The following FAM133A variants were observed in gnomAD, a reference collection of about 807,000 sequenced individuals.
The protein encoded by FAM133A is family with sequence similarity 133 member A.
For missense variants in FAM133A, 159 were observed against 164.4 expected (o/e 0.97, Z 0.18); for synonymous variants, 65 against 58.6 (o/e 1.11, Z -0.50).
At position 93,711,737 on chromosome X, in the gene FAM133A, C is replaced by T. The variant is rs901696948; in HGVS notation, c.*1571C>T. 2.4e-5 allele frequency: 3 copies of T among 122,781 alleles called. No individual in the cohort carries two copies. Among genetic ancestry groups the T allele is most frequent in the Non-Finnish European group, 5.6e-5 (3 of 53,118 alleles). 10.1% of individuals were successfully genotyped at this position (122,781 alleles called of 1,213,427 possible). ...TTGCATTGGAAATACTGGAATCTCT[C>T]ATTAAAGTTCTTGGAACATTATAGT... On this transcript the variant is annotated 3_prime_UTR_variant, in exon 4 of 4. Coordinates refer to ENST00000683942, the MANE Select transcript of FAM133A (RefSeq NM_001171109.2).
intron 3 of FAM133A, among the ~76,000 whole-genome samples, chrX:93,702,102 G>A (rs1258884626): frequency 1.8e-5 from 2 of 111,645 alleles, no homozygotes; most frequent in African/African-American, 3.3e-5. Context: ...ATATGTGATC[G>A]AATGAATTAA....
intron 2 of FAM133A, among the ~76,000 whole-genome samples, chrX:93,688,908 T>C (rs1925713008): frequency 9.0e-6 from 1 of 110,695 alleles, no homozygotes; most frequent in Non-Finnish European, 1.9e-5. Context: ...TAAGAAAATG[T>C]AAAAGCATGA....
intron 3 of FAM133A, among the ~76,000 whole-genome samples, chrX:93,709,095 T>C (rs1440921100): frequency 8.9e-6 from 1 of 112,040 alleles, no homozygotes; most frequent in Non-Finnish European, 1.9e-5. Context: ...TGTCAGAATC[T>C]TACATGAGGT....
At chrX:93,676,053 T>C (rs188716972) in intron 2 of FAM133A, among the ~76,000 whole-genome samples, 3 of 111,359 alleles carry the variant, frequency 2.7e-5, no homozygotes, top group Admixed American at 1.9e-4. Context: ...TTTTATTAGC[T>C]AGCTAATTCT....
At chrX:93,684,969 A>G (rs369146852) in intron 2 of FAM133A, among the ~76,000 whole-genome samples, 10 of 111,479 alleles carry the variant, frequency 9.0e-5, no homozygotes, top group Middle Eastern at 4.6e-3. Flanking sequence ...AAATTGTACA[A>G]TTTTTAAAGA....
At chrX:93,677,338 T>G (rs1321779696) in intron 2 of FAM133A, among the ~76,000 whole-genome samples, 1 of 111,062 alleles carries the variant, frequency 9.0e-6, no homozygotes, top group East Asian at 2.8e-4. Context: ...TAATGACAAG[T>G]GTAGCAGCAT....
chrX:93,687,692 A>G (rs1224163103), intron 2 of FAM133A, among the ~76,000 whole-genome samples: 3 of 111,284 alleles, frequency 2.7e-5, no homozygotes, highest in African/African-American at 9.8e-5. Flanking sequence ...ATTTTGAAAT[A>G]TACAATGCAT....
chrX:93,696,751 T>C (rs1452047165), intron 2 of FAM133A, among the ~76,000 whole-genome samples: 1 of 110,038 alleles, frequency 9.1e-6, no homozygotes, highest in Non-Finnish European at 1.9e-5. Context: ...ACACCCCGTC[T>C]CTACTAAAAA....
At chrX:93,673,706 A>G (rs1159506323), upstream of FAM133A, 1 of 131,709 alleles carries the variant, frequency 7.6e-6, no homozygotes. Flanking sequence ...TAATTGACAA[A>G]CTGTACGCCC....
chrX:93,710,997 T>G lies in FAM133A; in HGVS notation c.*831T>G, dbSNP rs1054400869. The G allele has an allele frequency of 1.6e-5, 2 of 123,047 alleles. No individual in the cohort carries two copies. The highest frequency in any genetic ancestry group is 6.5e-5 in the African/African-American group (2 of 30,760). 10.1% of individuals were successfully genotyped at this position (123,047 alleles called of 1,213,427 possible). The stretch of plus-strand genomic sequence containing the variant: ...TTGATTAAGAAATATTCTGAAATTT[T>G]TTTTGCATGTTTTATACTGTTAAGT... On this transcript the variant is annotated 3_prime_UTR_variant, in exon 4 of 4. Coordinates refer to ENST00000683942, the MANE Select transcript of FAM133A (RefSeq NM_001171109.2).
intron 2 of FAM133A, among the ~76,000 whole-genome samples, chrX:93,685,722 C>T (rs904480890): frequency 2.7e-5 from 3 of 112,009 alleles, no homozygotes; most frequent in Non-Finnish European, 5.6e-5. Flanking sequence ...GTTTAGACTT[C>T]TGTCATTTCC....
At chrX:93,696,494 C>T (rs763001165) in intron 2 of FAM133A, among the ~76,000 whole-genome samples, 2 of 111,933 alleles carry the variant, frequency 1.8e-5, no homozygotes, top group Middle Eastern at 4.6e-3. Flanking sequence ...CAGATTACTG[C>T]CTCTAAAACT....
Position 93,679,915 on chromosome X carries a change from ATTTTTTTTTTTTTTTTTTTTTTT to A in FAM133A, c.-193+5184_-193+5206del, listed in dbSNP as rs376335726. On this transcript the variant is annotated intron_variant, in intron 2 of 3. Transcript: ENST00000683942. Reference sequence around the variant, plus strand: ...AGGTGTGTACCACCACTCCTGGCAAATTTTTTTTTTTTTTTTTTTTTTTTTTTTTTTTTTTTTTTTTTTAGTAG... The same window carrying A: ...AGGTGTGTACCACCACTCCTGGCAAATTTTTTTTTTTTTTTTTTTTAGTAG... Among the ~76,000 whole-genome samples the A allele has an allele frequency of 7.0e-4, 44 of 62,430 alleles. 1 individual carries two copies. The highest frequency in any genetic ancestry group is 3.1e-3 in the African/African-American group (37 of 12,001). The allele number at this position is 62,430 out of a possible 115,157, so 54.2% of individuals were successfully genotyped here.
At chrX:93,705,950 C>T (rs766984348) in intron 3 of FAM133A, among the ~76,000 whole-genome samples, 6 of 111,598 alleles carry the variant, frequency 5.4e-5, no homozygotes, top group Non-Finnish European at 9.4e-5. Context: ...CTTTACTTTC[C>T]GTATTGACTG....
At chrX:93,687,256 G>A (rs933133603) in intron 2 of FAM133A, among the ~76,000 whole-genome samples, 4 of 111,507 alleles carry the variant, frequency 3.6e-5, no homozygotes, top group East Asian at 5.7e-4. Context: ...AAGAAATATC[G>A]TATGTTCTCA....
chrX:93,703,396 G>T (rs1380648046), intron 3 of FAM133A, among the ~76,000 whole-genome samples: 1 of 110,546 alleles, frequency 9.0e-6, no homozygotes, highest in Non-Finnish European at 1.9e-5. Flanking sequence ...TTTGAATAAA[G>T]AATGGACATT....
At chrX:93,697,996 G>T (rs1008752284) in intron 2 of FAM133A, among the ~76,000 whole-genome samples, 3 of 111,319 alleles carry the variant, frequency 2.7e-5, no homozygotes, top group African/African-American at 9.8e-5. Flanking sequence ...AGAAGTGTAG[G>T]TGATGGGGAA....
rs768452119 is a variant in FAM133A at position 93,679,320 on chromosome X, T to C, written c.-193+4568T>C. 6.3e-5 allele frequency among the ~76,000 whole-genome samples: 7 copies of C among 111,833 alleles called. No individual in the cohort carries two copies. In the South Asian group the frequency reaches 2.6e-3, roughly 42 times the overall value. ...GGTTGTTTTATAACATTTCAAACCA[T>C]AGCAGTGGTTTTCAAACAAAAATAT... On this transcript the variant is annotated intron_variant, in intron 2 of 3. Transcript: ENST00000683942.
chrX:93,678,585 T>C (rs1439664748), intron 2 of FAM133A, among the ~76,000 whole-genome samples: 2 of 112,180 alleles, frequency 1.8e-5, no homozygotes, highest in Non-Finnish European at 3.8e-5. Flanking sequence ...TTCTTCCATT[T>C]TTTTTAAGTT....
Sources: gnomAD v4.1 joint callset for allele counts (sites outside exome capture counted in the v4.1 genomes callset) on GRCh38, gnomAD v4.1.1 for gene constraint, MANE v1.5 for transcripts, NCBI Gene and HGNC (gene_info 2026-07-23, HGNC 2026-07-21) for gene names.